The following BMERB1 variants were observed in gnomAD, a reference collection of about 807,000 sequenced individuals.
The protein encoded by BMERB1 is bMERB domain containing 1, also known as bMERB domain-containing protein 1.
In BMERB1, 12 loss-of-function variants were observed where a neutral mutation model predicts 23.6. The observed-to-expected ratio is 0.51, with a 90% CI of 0.33 to 0.82. The LOEUF is 0.82. Among genes scored for constraint, BMERB1 ranks in the 40% least tolerant of loss-of-function variants. The pLI is 0.03. For missense variants in BMERB1, 247 were observed against 255.4 expected, an observed-to-expected ratio of 0.97 and a Z score of 0.22; for synonymous variants, 122 against 96.6, an observed-to-expected ratio of 1.26 and a Z score of -1.54.
chr16:15,554,668 T>G (rs2030196377), intron 2 of BMERB1, among the ~76,000 whole-genome samples: 3 of 150,662 alleles, frequency 2.0e-5, no homozygotes. Context: ...GTATTCTTTT[T>G]TTTTTCTTTT....
chr16:15,512,950 A>G (rs2051690158), intron 1 of BMERB1, among the ~76,000 whole-genome samples: 1 of 152,006 alleles, frequency 6.6e-6, no homozygotes, highest in Non-Finnish European at 1.5e-5. Context: ...ACCAACTTTC[A>G]TTATTCCTTG....
chr16:15,583,633 C>T (rs778862282), intron 5 of BMERB1, among the ~76,000 whole-genome samples: 2 of 148,952 alleles, frequency 1.3e-5, no homozygotes, highest in Non-Finnish European at 3.0e-5. Flanking sequence ...CCATAAGGGG[C>T]GCAACAAAAT....
chr16:15,582,406 C>T (rs2031037039), intron 4 of BMERB1, among the ~76,000 whole-genome samples: 1 of 151,754 alleles, frequency 6.6e-6, no homozygotes, highest in South Asian at 2.1e-4. Context: ...ATCTCAAAAA[C>T]AAAACAAAAC....
At chr16:15,563,959 T>C (rs902235072) in intron 2 of BMERB1, among the ~76,000 whole-genome samples, 6 of 152,072 alleles carry the variant, frequency 3.9e-5, no homozygotes, top group African/African-American at 1.4e-4. Flanking sequence ...GAGGTGGGGG[T>C]GAGTGAGTTC....
At chr16:15,456,567 G>A (rs141461624) in intron 1 of BMERB1, among the ~76,000 whole-genome samples, 2 of 151,850 alleles carry the variant, frequency 1.3e-5, no homozygotes, top group East Asian at 1.9e-4. Flanking sequence ...CGAACTACTG[G>A]CCTCAAGTGA....
intron 1 of BMERB1, among the ~76,000 whole-genome samples, chr16:15,476,000 C>T (rs2051271835): frequency 6.6e-6 from 1 of 152,142 alleles, no homozygotes; most frequent in South Asian, 2.1e-4. Flanking sequence ...CCAAAGCTCC[C>T]ATCCTGAATC....
chr16:15,453,319 G>A (rs1321558690), intron 1 of BMERB1, among the ~76,000 whole-genome samples: 6 of 152,208 alleles, frequency 3.9e-5, no homozygotes, highest in African/African-American at 7.2e-5. Context: ...CTGCAGCGAG[G>A]TAGAGTCTCA....
chr16:15,477,179 C>T (rs1459952070), intron 1 of BMERB1, among the ~76,000 whole-genome samples: 6 of 152,012 alleles, frequency 3.9e-5, no homozygotes, highest in African/African-American at 1.4e-4. Flanking sequence ...TCTGGGGAGG[C>T]CTCAGGAAAC....
chr16:15,477,205 G>C (rs1394684912), intron 1 of BMERB1, among the ~76,000 whole-genome samples: 1 of 152,092 alleles, frequency 6.6e-6, no homozygotes, highest in Non-Finnish European at 1.5e-5. Flanking sequence ...ATTGTGTGTG[G>C]AAGGCACCTC....
intron 1 of BMERB1, among the ~76,000 whole-genome samples, chr16:15,498,236 TA>T (rs576168474): frequency 3.3e-5 from 5 of 151,818 alleles, no homozygotes; most frequent in Non-Finnish European, 7.4e-5. Flanking sequence ...GGGAGCACAA[TA>T]AAAAAACTCT....
intron 3 of BMERB1, among the ~76,000 whole-genome samples, chr16:15,570,768 G>A (rs1278257056): frequency 6.6e-6 from 1 of 151,150 alleles, no homozygotes; most frequent in Non-Finnish European, 1.5e-5. Context: ...CTAAACAAGG[G>A]GTAGATTATT....
intron 1 of BMERB1, among the ~76,000 whole-genome samples, chr16:15,461,179 G>A (rs2051131453): frequency 6.6e-6 from 1 of 151,316 alleles, no homozygotes; most frequent in African/African-American, 2.4e-5. Flanking sequence ...TTCTGACCCA[G>A]CCTGGGAACA....
At chr16:15,515,877 CAG>C (rs1366021326) in intron 2 of BMERB1, among the ~76,000 whole-genome samples, 2 of 152,150 alleles carry the variant, frequency 1.3e-5, no homozygotes, top group Admixed American at 1.3e-4. Flanking sequence ...CTAGCAACAT[CAG>C]AGTCACATGG....
At chr16:15,453,003 TAAC>T (rs1167810164) in intron 1 of BMERB1, among the ~76,000 whole-genome samples, 2 of 151,876 alleles carry the variant, frequency 1.3e-5, no homozygotes, top group African/African-American at 4.8e-5. Flanking sequence ...CTAATAAAAA[TAAC>T]AACAACAACA....
At chr16:15,521,082 A>T (rs1388431006) in intron 2 of BMERB1, among the ~76,000 whole-genome samples, 1 of 151,740 alleles carries the variant, frequency 6.6e-6, no homozygotes, top group African/African-American at 2.4e-5. Context: ...TGCTATGTAA[A>T]CTCCTAGTTT....
At chr16:15,568,197 C>T (rs186964039) in intron 3 of BMERB1, 141 bp downstream of exon 3, 14 of 667,738 alleles carry the variant, frequency 2.1e-5, no homozygotes, top group African/African-American at 9.0e-5. Context: ...AACACAACTT[C>T]GAGTCAGGAA....
chr16:15,572,468 T>G (rs556835129), intron 3 of BMERB1, among the ~76,000 whole-genome samples: 1 of 152,310 alleles, frequency 6.6e-6, no homozygotes, highest in Non-Finnish European at 1.5e-5. Context: ...GGGTTTCTTC[T>G]GGGGGTGATT....
chr16:15,581,365 G>A (rs1174006953), intron 4 of BMERB1, 34 bp downstream of exon 4: 2 of 1,558,206 alleles, frequency 1.3e-6, no homozygotes, highest in Non-Finnish European at 1.8e-6. Flanking sequence ...TCACTGGGCT[G>A]CAGGACAGCA....
At chr16:15,565,799 G>GC (rs1275014669) in intron 2 of BMERB1, among the ~76,000 whole-genome samples, 2 of 152,212 alleles carry the variant, frequency 1.3e-5, no homozygotes, top group African/African-American at 4.8e-5. Context: ...GTTCAGGGCT[G>GC]CAATGAGCTA....
Sources: allele counts gnomAD v4.1 joint callset (sites outside exome capture counted in the v4.1 genomes callset), GRCh38; gene constraint gnomAD v4.1.1; transcripts MANE v1.5; gene names NCBI Gene and HGNC (gene_info 2026-07-23, HGNC 2026-07-21).